The following UBE2E2 variants were observed in gnomAD, a reference collection of about 807,000 sequenced individuals.
The protein encoded by UBE2E2 is ubiquitin-conjugating enzyme E2 E2.
In UBE2E2, 6 loss-of-function variants were observed where a neutral mutation model predicts 24.7. The ratio of observed to expected loss-of-function variants is 0.24; its 90% CI spans 0.13 to 0.48. UBE2E2 has a LOEUF of 0.48. UBE2E2 is among the 20% of genes least tolerant of loss of function. UBE2E2 has a pLI of 0.99. For synonymous variants in UBE2E2, 104 were observed against 83.6 expected, an observed-to-expected ratio of 1.24 and a Z score of -1.33; for missense variants, 169 against 245.0, an observed-to-expected ratio of 0.69 and a Z score of 2.07.
At chr3:23,353,621 G>C (rs1304665557) in intron 3 of UBE2E2, among the ~76,000 whole-genome samples, 1 of 152,104 alleles carries the variant, frequency 6.6e-6, no homozygotes, top group Non-Finnish European at 1.5e-5. Context: ...AATCATGAGT[G>C]AACTCCCATT....
chr3:23,246,050 T>C (rs953478912), intron 3 of UBE2E2, among the ~76,000 whole-genome samples: 2 of 152,074 alleles, frequency 1.3e-5, no homozygotes, highest in Non-Finnish European at 2.9e-5. Flanking sequence ...TGGCATCCAG[T>C]CAATAAATAT....
intron 3 of UBE2E2, among the ~76,000 whole-genome samples, chr3:23,453,889 G>A (rs1175739454): frequency 2.6e-5 from 4 of 152,154 alleles, no homozygotes; most frequent in South Asian, 2.1e-4. Context: ...TATTATAGTG[G>A]TGCTAGTTAC....
rs145692736 is a variant in UBE2E2, at chr3:23,435,776, A to G, written c.228-63832A>G. ...GCATCTGGCCCCTTTGGTAAGGTGGATGGTTTCGCTAGGGGCCTTTATTCA... is the reference window on the plus strand; with the variant it reads ...GCATCTGGCCCCTTTGGTAAGGTGGGTGGTTTCGCTAGGGGCCTTTATTCA... On this transcript the variant is annotated intron_variant, in intron 3 of 5. Coordinates refer to ENST00000396703, the MANE Select transcript of UBE2E2 (RefSeq NM_152653.4). Among the ~76,000 whole-genome samples the G allele has an allele frequency of 1.4e-4, 22 of 152,264 alleles. No homozygotes were observed. The South Asian group carries it at 3.3e-3, about 23-fold the overall frequency.
At chr3:23,567,524 A>T (rs1241523241) in intron 5 of UBE2E2, among the ~76,000 whole-genome samples, 2 of 152,224 alleles carry the variant, frequency 1.3e-5, no homozygotes, top group Non-Finnish European at 2.9e-5. Flanking sequence ...AAGGTCACTT[A>T]TAGGAAATGG....
chr3:23,451,234 A>AT (rs1269200067), intron 3 of UBE2E2, among the ~76,000 whole-genome samples: 1 of 152,002 alleles, frequency 6.6e-6, no homozygotes, highest in African/African-American at 2.4e-5. Flanking sequence ...CAAATAAATA[A>AT]TTTTTTTTGA....
intron 4 of UBE2E2, among the ~76,000 whole-genome samples, chr3:23,515,258 AT>A (rs896032650): frequency 7.2e-5 from 11 of 152,054 alleles, no homozygotes; most frequent in Admixed American, 2.6e-4. Context: ...ATAGGTTTGA[AT>A]TTTTTTAATA....
intron 3 of UBE2E2, among the ~76,000 whole-genome samples, chr3:23,235,989 AAATG>A (rs1179768524): frequency 6.6e-6 from 1 of 152,142 alleles, no homozygotes; most frequent in Admixed American, 6.5e-5. Flanking sequence ...AATCTGTAGG[AAATG>A]ATGAATTTGT....
In UBE2E2 at chr3:23,268,669, C is replaced by G. The variant is rs1295087868; in HGVS notation, c.227+51357C>G. ...TTCAATGCCATCCCCATCAAGCTAC[C>G]AATGAGTTTCTTCACAGAATTGGAA... is the stretch of plus-strand genomic sequence containing the variant. On this transcript the variant is annotated intron_variant, in intron 3 of 5. Coordinates refer to ENST00000396703, the MANE Select transcript of UBE2E2 (RefSeq NM_152653.4). 3.4e-5 allele frequency among the ~76,000 whole-genome samples: 5 copies of G among 148,474 alleles called. 1 individual carries two copies. The East Asian group carries it at 5.9e-4, about 17-fold the overall frequency.
At chr3:23,312,069 T>C (rs866664071) in intron 3 of UBE2E2, among the ~76,000 whole-genome samples, 7 of 152,190 alleles carry the variant, frequency 4.6e-5, no homozygotes, top group Middle Eastern at 6.8e-3. Flanking sequence ...ATCTGGTTGT[T>C]TAAAAGTATG....
intron 3 of UBE2E2, among the ~76,000 whole-genome samples, chr3:23,299,546 G>C (rs1158026433): frequency 6.6e-6 from 1 of 152,148 alleles, no homozygotes; most frequent in Non-Finnish European, 1.5e-5. Context: ...TATGTACCCA[G>C]TAGTCATTCA....
intron 3 of UBE2E2, among the ~76,000 whole-genome samples, chr3:23,473,442 T>A (rs1699066856): frequency 6.6e-6 from 1 of 150,982 alleles, no homozygotes; most frequent in South Asian, 2.1e-4. Flanking sequence ...TTTTTTGTAG[T>A]ATTTCCATAG....
intron 5 of UBE2E2, among the ~76,000 whole-genome samples, chr3:23,547,527 T>C (rs1401196305): frequency 6.6e-6 from 1 of 152,242 alleles, no homozygotes; most frequent in Non-Finnish European, 1.5e-5. Flanking sequence ...GGTCTGTTAA[T>C]ACAGTAAGCT....
At chr3:23,459,712 G>T (rs1310494168) in intron 3 of UBE2E2, among the ~76,000 whole-genome samples, 1 of 152,166 alleles carries the variant, frequency 6.6e-6, no homozygotes, top group Non-Finnish European at 1.5e-5. Flanking sequence ...AGTTGTTATG[G>T]AAGTTTCTGG....
chr3:23,530,012 A>G (rs1048998718), intron 4 of UBE2E2, among the ~76,000 whole-genome samples: 2 of 152,234 alleles, frequency 1.3e-5, no homozygotes, highest in Admixed American at 6.5e-5. Context: ...TCATTCAGCA[A>G]TAATAGTAAC....
chr3:23,532,607 C>G lies in UBE2E2; in HGVS notation c.414C>G (p.Ile138Met). Reference protein sequence around the residue: ...YHCNINSQGVICLDILKDNWS... With the variant: ...YHCNINSQGVMCLDILKDNWS... ...GTAATATTAACAGCCAAGGTGTGATCTGTCTGGACATCTTAAAGGACAACT... is the reference window on the plus strand; with the variant it reads ...GTAATATTAACAGCCAAGGTGTGATGTGTCTGGACATCTTAAAGGACAACT... The change falls in exon 5 of 6, where the codon ATC becomes ATG. Residue 138 changes from isoleucine (I) to methionine (M), a missense_variant. Around this residue, in one of 2 missense-constraint regions of UBE2E2, gnomAD observed 105 missense variants for 180.7 expected, o/e 0.58. Transcript: ENST00000396703. The G allele has an allele frequency of 6.4e-7, 1 of 1,568,988 alleles. No individual in the cohort carries two copies. The highest frequency in any genetic ancestry group is 8.7e-7 in the Non-Finnish European group (1 of 1,148,894).
rs1011047483 is a variant in UBE2E2, at chr3:23,558,837, G to A, written c.508+26136G>A. On this transcript the variant is annotated intron_variant, in intron 5 of 5. Coordinates refer to ENST00000396703, the MANE Select transcript of UBE2E2 (RefSeq NM_152653.4). ...GCTACTTGGGAGCTGAGGCAAGAGG[G>A]TCCCTTGAGCCCAGGAGCTCAAAGA... Among the ~76,000 whole-genome samples the A allele has an allele frequency of 1.8e-3, 273 of 152,176 alleles. 1 individual carries two copies. The highest frequency in any genetic ancestry group is 6.2e-3 in the African/African-American group (258 of 41,526).
intron 3 of UBE2E2, among the ~76,000 whole-genome samples, chr3:23,332,773 A>G (rs1269313305): frequency 1.3e-5 from 2 of 151,682 alleles, no homozygotes; most frequent in East Asian, 3.9e-4. Context: ...TGTTTGAGAA[A>G]AGGAGTAGTA....
chr3:23,535,730 C>G (rs959062808), intron 5 of UBE2E2, among the ~76,000 whole-genome samples: 1 of 143,534 alleles, frequency 7.0e-6, no homozygotes, highest in Non-Finnish European at 1.5e-5. Context: ...TCAAGCGATT[C>G]TCCTGCCTCA....
At chr3:23,350,215 C>G (rs1695700677) in intron 3 of UBE2E2, among the ~76,000 whole-genome samples, 1 of 152,178 alleles carries the variant, frequency 6.6e-6, no homozygotes, top group Admixed American at 6.5e-5. Flanking sequence ...GAAGGGACAT[C>G]CACACCAAAA....
Sources: allele counts gnomAD v4.1 joint callset (sites outside exome capture counted in the v4.1 genomes callset), GRCh38; gene constraint gnomAD v4.1.1; regional missense constraint gnomAD v4.1.1; transcripts MANE v1.5; gene names NCBI Gene and HGNC (gene_info 2026-07-23, HGNC 2026-07-21).